PPP2R3A: variants seen among roughly 807,000 people sequenced by gnomAD.
The protein encoded by PPP2R3A is protein phosphatase 2 regulatory subunit B''alpha, also known as serine/threonine-protein phosphatase 2A regulatory subunit B'' subunit alpha.
A neutral mutation model predicts 106.9 loss-of-function variants in PPP2R3A; 80 were observed. The ratio of observed to expected loss-of-function variants is 0.75; its 90% CI spans 0.62 to 0.90. The LOEUF (loss-of-function observed/expected upper bound fraction) is 0.90. Ranked by LOEUF, PPP2R3A falls within the 40% of genes least tolerant of loss-of-function variation. PPP2R3A has a pLI of 0.00. For synonymous variants in PPP2R3A, 483 were observed against 468.3 expected (o/e 1.03, Z -0.41); for missense variants, 1,386 against 1,350.4 (o/e 1.03, Z -0.41).
chr3:136,045,268 T>C (rs920390759), intron 4 of PPP2R3A, among the ~76,000 whole-genome samples: 6 of 152,136 alleles, frequency 3.9e-5, no homozygotes, highest in African/African-American at 1.4e-4. Flanking sequence ...GGGAGCACCT[T>C]GGCTCACCCA....
Position 135,970,932 on chromosome 3 carries a change from A to G in PPP2R3A, c.-441+5083A>G, listed in dbSNP as rs1376791316. Among the ~76,000 whole-genome samples, 4 of 152,238 alleles carry G rather than the reference A, an allele frequency of 2.6e-5. No homozygotes were observed. In the East Asian group the frequency reaches 7.7e-4, roughly 29 times the overall value. ...CTCAGATGTTGGTGATTAGGCCACA[A>G]GTTTCTTTCTCAACTGGAAAGCTGT... On this transcript the variant is annotated intron_variant, in intron 1 of 13. Coordinates refer to ENST00000264977, the MANE Select transcript of PPP2R3A (RefSeq NM_002718.5).
rs1301094902 is a variant in PPP2R3A, at chr3:136,002,545, A to G, written c.1047A>G (p.Gln349=). Residue 349 remains glutamine, a synonymous_variant, in exon 2 of 14, where the codon CAA becomes CAG. Transcript: ENST00000264977. ...QLSASDSGRF[Q]TIELQNDKPN... ...CAGCTTCTGACTCTGGACGATTTCA[A>G]ACTATTGAATTGCAAAATGACAAGC... 1.9e-6 allele frequency: 3 copies of G among 1,613,882 alleles called. No homozygotes were observed. Among genetic ancestry groups the G allele is most frequent in the Non-Finnish European group, 2.5e-6 (3 of 1,179,926 alleles).
At chr3:136,077,050 C>T (rs549631183) in intron 6 of PPP2R3A, among the ~76,000 whole-genome samples, 4 of 151,936 alleles carry the variant, frequency 2.6e-5, no homozygotes, top group East Asian at 3.9e-4. Flanking sequence ...GGTGCACCAG[C>T]GTTTGGAATG....
chr3:136,040,791 T>A lies in PPP2R3A; in HGVS notation c.2263-68T>A, dbSNP rs538283350. On this transcript the variant is annotated intron_variant, in intron 3 of 13. Coordinates refer to ENST00000264977, the MANE Select transcript of PPP2R3A (RefSeq NM_002718.5). The stretch of plus-strand genomic sequence containing the variant: ...GCATGAAGGGTAAAAGCCACAAAGA[T>A]CTTTTCTTTGGCCGTGTCATCTCTT... 1.0e-3 allele frequency: 1,401 copies of A among 1,347,568 alleles called. 2 individuals are homozygous for A. Among genetic ancestry groups the A allele is most frequent in the Non-Finnish European group, 1.4e-3 (1,362 of 984,022 alleles). The allele number at this position is 1,347,568 out of a possible 1,614,324, so 83.5% of individuals were successfully genotyped here.
At chr3:136,070,584 C>G (rs374543602) in intron 6 of PPP2R3A, 32 bp downstream of exon 6, 322 of 1,539,646 alleles carry the variant, frequency 2.1e-4, no homozygotes, top group Non-Finnish European at 2.6e-4. Flanking sequence ...CTTAATATAA[C>G]TCCATAAGTC....
intron 7 of PPP2R3A, among the ~76,000 whole-genome samples, chr3:136,080,704 A>G (rs1936754278): frequency 6.6e-6 from 1 of 152,188 alleles, no homozygotes; most frequent in South Asian, 2.1e-4. Flanking sequence ...AGTCTTATTC[A>G]TATGTATATA....
At chr3:136,085,500 G>A (rs1051552531) in intron 8 of PPP2R3A, among the ~76,000 whole-genome samples, 3 of 152,002 alleles carry the variant, frequency 2.0e-5, no homozygotes, top group Admixed American at 1.3e-4. Context: ...GGCTGGTCTC[G>A]AACTCTTGGG....
intron 4 of PPP2R3A, among the ~76,000 whole-genome samples, chr3:136,042,547 C>T (rs920091818): frequency 6.6e-6 from 1 of 152,012 alleles, no homozygotes; most frequent in African/African-American, 2.4e-5. Context: ...AGATCATAGC[C>T]ACCACCACAA....
chr3:136,093,039 C>CT (rs1937131528), intron 10 of PPP2R3A, among the ~76,000 whole-genome samples: 1 of 152,118 alleles, frequency 6.6e-6, no homozygotes, highest in African/African-American at 2.4e-5. Flanking sequence ...ACGACCTTGG[C>CT]TAGGCAGTTT....
At chr3:136,118,796 C>T (rs150914071) in intron 13 of PPP2R3A, among the ~76,000 whole-genome samples, 4,099 of 152,182 alleles carry the variant, frequency 0.027, 130 homozygotes, top group Non-Finnish European at 0.034. Context: ...CCATACTGAC[C>T]AAAGTAATTT....
chr3:136,135,354 G>A (rs1008532678), intron 13 of PPP2R3A, among the ~76,000 whole-genome samples: 3 of 152,084 alleles, frequency 2.0e-5, no homozygotes, highest in Non-Finnish European at 2.9e-5. Flanking sequence ...TGTGAACAAA[G>A]GAAAGGAAAG....
intron 3 of PPP2R3A, among the ~76,000 whole-genome samples, chr3:136,038,134 A>T (rs940303759): frequency 2.0e-5 from 3 of 152,112 alleles, no homozygotes; most frequent in Admixed American, 6.5e-5. Flanking sequence ...GCAGGCTAGC[A>T]TACTTTTTTT....
At chr3:136,060,136 T>C (rs1936025898) in intron 5 of PPP2R3A, among the ~76,000 whole-genome samples, 1 of 152,094 alleles carries the variant, frequency 6.6e-6, no homozygotes, top group South Asian at 2.1e-4. Flanking sequence ...AACTTAAAAC[T>C]TAAAAAGATA....
chr3:135,995,416 T>C (rs910546240), intron 1 of PPP2R3A, among the ~76,000 whole-genome samples: 9 of 151,754 alleles, frequency 5.9e-5, no homozygotes, highest in African/African-American at 1.9e-4. Flanking sequence ...TTTTACTCAT[T>C]GAAAGAGTTC....
At chr3:136,013,842 A>G (rs970489990) in intron 2 of PPP2R3A, among the ~76,000 whole-genome samples, 1 of 150,600 alleles carries the variant, frequency 6.6e-6, no homozygotes, top group Non-Finnish European at 1.5e-5. Context: ...TTTTTAGTTT[A>G]AGTAAGTCCC....
chr3:136,144,345 T>C (rs943000042), intron 13 of PPP2R3A, among the ~76,000 whole-genome samples: 2 of 152,050 alleles, frequency 1.3e-5, no homozygotes, highest in Non-Finnish European at 2.9e-5. Flanking sequence ...AGGGAAGCTA[T>C]AAAGCAATCT....
intron 1 of PPP2R3A, among the ~76,000 whole-genome samples, chr3:135,995,400 A>G (rs1221160335): frequency 1.3e-5 from 2 of 151,730 alleles, no homozygotes; most frequent in Non-Finnish European, 2.9e-5. Flanking sequence ...TATCCTCTAG[A>G]ACTTTTTTTA....
chr3:136,013,395 G>C (rs1482476145), intron 2 of PPP2R3A, among the ~76,000 whole-genome samples: 1 of 152,036 alleles, frequency 6.6e-6, no homozygotes, highest in Non-Finnish European at 1.5e-5. Context: ...TGGATCAAAT[G>C]GTAGATCTAC....
intron 13 of PPP2R3A, among the ~76,000 whole-genome samples, chr3:136,129,163 AAGATT>A (rs1159865530): frequency 1.3e-5 from 2 of 152,070 alleles, no homozygotes; most frequent in Non-Finnish European, 2.9e-5. Context: ...AGAAATAACT[AAGATT>A]AGAGCAGAAC....
Sources: gnomAD v4.1 joint callset for allele counts (sites outside exome capture counted in the v4.1 genomes callset) on GRCh38, gnomAD v4.1.1 for gene constraint, MANE v1.5 for transcripts, NCBI Gene and HGNC (gene_info 2026-07-23, HGNC 2026-07-21) for gene names.